GPHN: variants seen among roughly 807,000 people sequenced by gnomAD.
GPHN encodes gephyrin.
GPHN carries 17 observed loss-of-function variants against 95.5 expected under a neutral mutation model. The observed-to-expected ratio is 0.18, with a 90% CI of 0.12 to 0.27. The LOEUF is 0.27. Ranked by LOEUF, GPHN falls within the 10% of genes least tolerant of loss-of-function variation. The pLI is 1.00. For missense variants in GPHN, 660 were observed against 978.1 expected (o/e 0.67, Z 4.34); for synonymous variants, 320 against 322.5 (o/e 0.99, Z 0.08).
rs1233013405 is a variant in GPHN, at chr14:66,617,186, T to C, written c.65-63921T>C. On this transcript the variant is annotated intron_variant, in intron 1 of 22. Transcript: ENST00000478722. Reference sequence around the variant, plus strand: ...CCTTTTCTCTAGGGGCTCAGGCCCCTACCCCAAGGAGCTGAAATGGCTTAG... The same window carrying C: ...CCTTTTCTCTAGGGGCTCAGGCCCCCACCCCAAGGAGCTGAAATGGCTTAG... 5.9e-5 allele frequency among the ~76,000 whole-genome samples: 9 copies of C among 152,190 alleles called. No homozygotes were observed. In the East Asian group the frequency reaches 1.7e-3, roughly 29 times the overall value.
At chr14:66,542,840 C>A (rs1016867145) in intron 1 of GPHN, among the ~76,000 whole-genome samples, 16 of 152,140 alleles carry the variant, frequency 1.1e-4, no homozygotes, top group African/African-American at 3.4e-4. Context: ...GCCATTATCA[C>A]TTTTGTTAGT....
Position 66,814,228 on chromosome 14 carries a change from A to G in GPHN, c.202-10246A>G, listed in dbSNP as rs139869871. ...AGCAGATCATCCCACACCCTGAACA[A>G]TCACTCTTATTTGAGGGGCACAGAG... On this transcript the variant is annotated intron_variant, in intron 3 of 22. Transcript: ENST00000478722. 6.6e-5 allele frequency among the ~76,000 whole-genome samples: 10 copies of G among 151,648 alleles called. No homozygotes were observed. In the East Asian group the frequency reaches 1.6e-3, roughly 24 times the overall value.
chr14:66,717,253 C>T (rs556061429), intron 2 of GPHN, among the ~76,000 whole-genome samples: 1 of 152,126 alleles, frequency 6.6e-6, no homozygotes, highest in South Asian at 2.1e-4. Context: ...GTCTTCGAGC[C>T]CTGAATTTCT....
intron 1 of GPHN, among the ~76,000 whole-genome samples, chr14:66,670,314 A>G (rs973400094): frequency 6.6e-6 from 1 of 152,200 alleles, no homozygotes; most frequent in African/African-American, 2.4e-5. Context: ...GATTTCATGT[A>G]GAACTTGAGT....
At chr14:67,402,516 T>C in the GPHN span, among the ~76,000 whole-genome samples, 2 of 152,264 alleles carry the variant, frequency 1.3e-5, no homozygotes, top group Non-Finnish European at 2.9e-5. Context: ...TAGTAAGTCT[T>C]TCTCATTCTT....
chr14:67,346,578 G>A, the GPHN span, among the ~76,000 whole-genome samples: 1 of 152,232 alleles, frequency 6.6e-6, no homozygotes, highest in African/African-American at 2.4e-5. Context: ...GCCTCCCAAA[G>A]TGCTGGGATT....
At chr14:66,529,487 C>T (rs1194704031) in intron 1 of GPHN, among the ~76,000 whole-genome samples, 5 of 152,076 alleles carry the variant, frequency 3.3e-5, no homozygotes, top group South Asian at 2.1e-4. Flanking sequence ...ACTCATTATC[C>T]GTCCAGTTTT....
At chr14:67,279,990 A>G in the GPHN span, 1 of 154,160 alleles carries the variant, frequency 6.5e-6, no homozygotes. Flanking sequence ...TATTGTTCAT[A>G]TGGTATCATA....
chr14:67,537,889 T>C, the GPHN span, among the ~76,000 whole-genome samples: 12 of 152,076 alleles, frequency 7.9e-5, no homozygotes, highest in Admixed American at 7.9e-4. Context: ...GTCCCGGGTG[T>C]TGGAGGATTC....
intron 2 of GPHN, among the ~76,000 whole-genome samples, chr14:66,712,732 T>C (rs148655552): frequency 7.2e-5 from 11 of 152,218 alleles, no homozygotes; most frequent in Non-Finnish European, 1.5e-4. Context: ...CTGTTTTCCA[T>C]AGTGGTTCTA....
At chr14:67,577,296 G>T in the GPHN span, 2 of 1,553,826 alleles carry the variant, frequency 1.3e-6, no homozygotes, top group South Asian at 1.2e-5. Context: ...TCCGTGCTTT[G>T]GGCAGATTCG....
intron 9 of GPHN, 89 bp from the exon 10 acceptor site, chr14:67,023,544 C>G: frequency 1.1e-6 from 1 of 935,994 alleles, no homozygotes; most frequent in Non-Finnish European, 1.8e-6. Flanking sequence ...GCCTTTGCTC[C>G]TAGACCTCAG....
chr14:67,731,278 G>C, the GPHN span, among the ~76,000 whole-genome samples: 62 of 130,440 alleles, frequency 4.8e-4, no homozygotes, highest in African/African-American at 1.5e-3. Flanking sequence ...GCAATGGCAT[G>C]ATCTTGGCTC....
At chr14:67,267,962 TTTTA>T in the GPHN span, among the ~76,000 whole-genome samples, 7 of 152,348 alleles carry the variant, frequency 4.6e-5, no homozygotes, top group Middle Eastern at 3.4e-3. Flanking sequence ...GTATTCTATT[TTTTA>T]TTTATTCATT....
chr14:67,526,707 G>A, the GPHN span, among the ~76,000 whole-genome samples: 2 of 152,058 alleles, frequency 1.3e-5, no homozygotes, highest in Non-Finnish European at 2.9e-5. Flanking sequence ...CACCTGACTG[G>A]GAGCCAGAAT....
chr14:66,625,124 A>G (rs935158767), intron 1 of GPHN, among the ~76,000 whole-genome samples: 2 of 151,952 alleles, frequency 1.3e-5, no homozygotes, highest in Non-Finnish European at 2.9e-5. Flanking sequence ...CCCTGTCACC[A>G]GGTTGCAGTG....
At chr14:67,608,519 T>C in the GPHN span, among the ~76,000 whole-genome samples, 1 of 152,136 alleles carries the variant, frequency 6.6e-6, no homozygotes, top group Non-Finnish European at 1.5e-5. Context: ...GGGACAACTG[T>C]ATATACCACC....
the GPHN span, among the ~76,000 whole-genome samples, chr14:67,281,401 C>A: frequency 7.1e-3 from 1,073 of 152,050 alleles, 4 homozygotes; most frequent in Non-Finnish European, 8.9e-3. Context: ...TTTTTTAATA[C>A]CTTTATGTGA....
At chr14:67,556,304 G>A in the GPHN span, among the ~76,000 whole-genome samples, 5 of 152,154 alleles carry the variant, frequency 3.3e-5, no homozygotes. Context: ...AAGAAAGCTG[G>A]ATGTATTTTT....
Sources: allele counts gnomAD v4.1 joint callset (sites outside exome capture counted in the v4.1 genomes callset), GRCh38; gene constraint gnomAD v4.1.1; transcripts MANE v1.5; gene names NCBI Gene and HGNC (gene_info 2026-07-23, HGNC 2026-07-21).